The following FBLN5 variants were observed in gnomAD, a reference collection of about 807,000 sequenced individuals.
FBLN5 encodes the protein fibulin 5.
FBLN5 carries 24 observed loss-of-function variants against 61.6 expected under a neutral mutation model. The ratio of observed to expected loss-of-function variants is 0.39; its 90% CI spans 0.28 to 0.55. The LOEUF is 0.55. FBLN5 is among the 20% of genes least tolerant of loss of function. The pLI, the probability that FBLN5 is intolerant of heterozygous loss-of-function variation, is 0.65. For missense variants in FBLN5, 470 were observed against 594.1 expected, an observed-to-expected ratio of 0.79 and a Z score of 2.17; for synonymous variants, 213 against 219.8, an observed-to-expected ratio of 0.97 and a Z score of 0.27.
At chr14:91,939,985 A>G in intron 3 of FBLN5, 2 of 453,864 alleles carry the variant, frequency 4.4e-6, no homozygotes, top group Non-Finnish European at 8.8e-6. Flanking sequence ...AAAGTGAGAA[A>G]CGCTTGACTC....
intron 4 of FBLN5, among the ~76,000 whole-genome samples, chr14:91,934,197 A>G (rs968850679): frequency 2.6e-5 from 4 of 152,240 alleles, no homozygotes; most frequent in African/African-American, 9.6e-5. Context: ...ACCCTGTCTC[A>G]GAAAACAAAA....
At chr14:91,915,713 A>G (rs569010475) in intron 4 of FBLN5, among the ~76,000 whole-genome samples, 13 of 141,730 alleles carry the variant, frequency 9.2e-5, no homozygotes, top group Admixed American at 7.9e-4. Context: ...AAAAAAAAAG[A>G]AATCATATCA....
chr14:91,877,387 C>T, intron 10 of FBLN5, 100 bp downstream of exon 10: 1 of 988,194 alleles, frequency 1.0e-6, no homozygotes, highest in Non-Finnish European at 1.6e-6. Flanking sequence ...CTACCTGTCC[C>T]CCAGCCCCAC....
chr14:91,916,107 T>C (rs968013878), intron 4 of FBLN5, among the ~76,000 whole-genome samples: 1 of 152,256 alleles, frequency 6.6e-6, no homozygotes, highest in Non-Finnish European at 1.5e-5. Context: ...CTTTGCCTTT[T>C]ATTTTTTGTT....
intron 8 of FBLN5, among the ~76,000 whole-genome samples, chr14:91,881,766 T>A (rs1021188664): frequency 1.6e-4 from 24 of 151,380 alleles, no homozygotes; most frequent in African/African-American, 5.8e-4. Flanking sequence ...TATCTCTTAA[T>A]TTTATTTATT....
At chr14:91,942,815 C>G (rs1393784187) in intron 2 of FBLN5, 92 bp downstream of exon 2, 18 of 813,032 alleles carry the variant, frequency 2.2e-5, no homozygotes, top group Non-Finnish European at 3.3e-5. Context: ...ACTCCCACCC[C>G]CACAAACCTA....
chr14:91,883,174 A>G, intron 7 of FBLN5, 98 bp from the exon 8 acceptor site: 2 of 1,390,104 alleles, frequency 1.4e-6, no homozygotes, highest in Admixed American at 1.7e-5. Flanking sequence ...GTCTTGATAC[A>G]TACAATGGCT....
At chr14:91,939,723 C>G (rs1014995367) in intron 3 of FBLN5, 1 of 292,738 alleles carries the variant, frequency 3.4e-6, no homozygotes, top group Admixed American at 4.5e-5. Flanking sequence ...AGATGGCATG[C>G]TAAGAGAATG....
At chr14:91,932,102 C>A (rs537904721) in intron 4 of FBLN5, among the ~76,000 whole-genome samples, 64 of 152,326 alleles carry the variant, frequency 4.2e-4, no homozygotes, top group African/African-American at 1.4e-3. Flanking sequence ...CTGTCTGGCT[C>A]TCCCTCCCCT....
At chr14:91,917,804 A>G (rs1241214831) in intron 4 of FBLN5, among the ~76,000 whole-genome samples, 1 of 152,200 alleles carries the variant, frequency 6.6e-6, no homozygotes, top group Non-Finnish European at 1.5e-5. Context: ...CAAGAGTAAC[A>G]AGTGAATGTA....
At chr14:91,913,720 A>G (rs1407882603) in intron 4 of FBLN5, among the ~76,000 whole-genome samples, 1 of 152,256 alleles carries the variant, frequency 6.6e-6, no homozygotes, top group Non-Finnish European at 1.5e-5. Context: ...TGACATCTAC[A>G]TTCTTGGCAT....
chr14:91,927,246 G>A (rs1007356743), intron 4 of FBLN5, among the ~76,000 whole-genome samples: 3 of 152,170 alleles, frequency 2.0e-5, no homozygotes, highest in East Asian at 1.9e-4. Context: ...CATTCATATG[G>A]TATTTTTACT....
rs1889986787 is a variant in FBLN5, at chr14:91,891,340, G to A, written c.503-3C>T. On this transcript the variant is annotated splice_region_variant and splice_polypyrimidine_tract_variant and intron_variant, in intron 5 of 10. Transcript: ENST00000342058. ...ACCATAGCGACATTCATCAATGTCT[G>A]GAAACAGAAATGCAAGCAAAGTGAG... is the stretch of plus-strand genomic sequence containing the variant. The A allele has an allele frequency of 6.3e-7, 1 of 1,596,350 alleles. No individual in the cohort carries two copies. The highest frequency in any genetic ancestry group is 1.7e-5 in the Admixed American group (1 of 59,992).
At chr14:91,926,189 C>A (rs1362350822) in intron 4 of FBLN5, among the ~76,000 whole-genome samples, 1 of 152,190 alleles carries the variant, frequency 6.6e-6, no homozygotes, top group Non-Finnish European at 1.5e-5. Flanking sequence ...CCATGCCCTC[C>A]ATTATGAAAG....
In FBLN5 at chr14:91,924,800, C is replaced by T. The variant is rs114677493; in HGVS notation, c.379+12147G>A. ...AATAAGTACAGGGTGCTGTGGTCACCCCTGAGTCCACTCTGAGCTCTCAGT... is the reference window on the plus strand; with the variant it reads ...AATAAGTACAGGGTGCTGTGGTCACTCCTGAGTCCACTCTGAGCTCTCAGT... On this transcript the variant is annotated intron_variant, in intron 4 of 10. Coordinates refer to ENST00000342058, the MANE Select transcript of FBLN5 (RefSeq NM_006329.4). 4.3e-3 allele frequency among the ~76,000 whole-genome samples: 657 copies of T among 152,046 alleles called. 3 individuals carry two copies. Among genetic ancestry groups the T allele is most frequent in the African/African-American group, 0.015 (624 of 41,462 alleles).
intron 10 of FBLN5, among the ~76,000 whole-genome samples, chr14:91,871,670 G>A (rs1229041621): frequency 2.0e-5 from 3 of 152,076 alleles, no homozygotes; most frequent in Non-Finnish European, 2.9e-5. Flanking sequence ...CAGCCTGGCT[G>A]ATATGGTGAA....
chr14:91,912,497 T>C lies in FBLN5; in HGVS notation c.380-17425A>G, dbSNP rs147538547. ...CTGTATCTACTAAAAATACAAAAAT[T>C]AGCCAGGCGTGGTGGCACACACCTG... On this transcript the variant is annotated intron_variant, in intron 4 of 10. Coordinates refer to ENST00000342058, the MANE Select transcript of FBLN5 (RefSeq NM_006329.4). Among the ~76,000 whole-genome samples, 1,045 of 151,850 alleles carry C rather than the reference T, an allele frequency of 6.9e-3. 2 individuals carry two copies. Among genetic ancestry groups the C allele is most frequent in the Non-Finnish European group, 8.9e-3 (602 of 67,924 alleles).
chr14:91,903,743 C>G (rs1890557462), intron 4 of FBLN5, among the ~76,000 whole-genome samples: 1 of 152,184 alleles, frequency 6.6e-6, no homozygotes, highest in Non-Finnish European at 1.5e-5. Flanking sequence ...TTAAATCTTC[C>G]CTTCACGTCC....
chr14:91,877,852 G>A, intron 9 of FBLN5, 170 bp from the exon 10 acceptor site: 1 of 682,916 alleles, frequency 1.5e-6, no homozygotes, highest in South Asian at 1.5e-5. Context: ...TCTCCAGCAT[G>A]TAGGCGAGCT....
Sources: gnomAD v4.1 joint callset for allele counts (sites outside exome capture counted in the v4.1 genomes callset) on GRCh38, gnomAD v4.1.1 for gene constraint, MANE v1.5 for transcripts, NCBI Gene and HGNC (gene_info 2026-07-23, HGNC 2026-07-21) for gene names.